The following SEC61A1 variants were observed in gnomAD, a reference collection of about 807,000 sequenced individuals.
SEC61A1 encodes SEC61 translocon subunit alpha 1.
A neutral mutation model predicts 55.2 loss-of-function variants in SEC61A1; 15 were observed. The ratio of observed to expected loss-of-function variants is 0.27; its 90% CI spans 0.18 to 0.42. SEC61A1 has a LOEUF of 0.42. Among genes scored for constraint, SEC61A1 ranks in the 10% least tolerant of loss-of-function variants. The pLI is 1.00. For synonymous variants in SEC61A1, 247 were observed against 234.0 expected, an observed-to-expected ratio of 1.06 and a Z score of -0.51; for missense variants, 284 against 602.6, an observed-to-expected ratio of 0.47 and a Z score of 5.53.
intron 7 of SEC61A1, among the ~76,000 whole-genome samples, chr3:128,063,430 C>T (rs1023796451): frequency 2.4e-4 from 36 of 152,212 alleles, no homozygotes; most frequent in African/African-American, 8.4e-4. Context: ...CTCCGCCTCC[C>T]GGGTTCAAGC....
chr3:128,067,912 C>T lies in SEC61A1; in HGVS notation c.1168-71C>T, dbSNP rs2107652338. ...CTCGAAGAGGCGATCTGTAACTGTT[C>T]AGTACCACTTGGAATGCCTATTTCC... On this transcript the variant is annotated intron_variant, in intron 10 of 11. Transcript: ENST00000243253. The surrounding 1 kb of genome is among the most constrained non-coding windows in gnomAD (Gnocchi z 4.1). The T allele has an allele frequency of 8.3e-7, 1 of 1,203,452 alleles. No homozygotes were observed. The highest frequency in any genetic ancestry group is 1.2e-5 in the South Asian group (1 of 82,638). 74.5% of individuals were successfully genotyped at this position (1,203,452 alleles called of 1,614,324 possible).
At position 128,056,675 on chromosome 3, in the gene SEC61A1, G is replaced by C. The variant is rs751493802; in HGVS notation, c.221-34G>C. 2.0e-6 allele frequency: 3 copies of C among 1,468,730 alleles called. No individual in the cohort carries two copies. The Admixed American group carries it at 6.7e-5, about 33-fold the overall frequency. 91.0% of individuals were successfully genotyped at this position (1,468,730 alleles called of 1,614,324 possible). A position where few individuals can be genotyped will look rare whatever the true frequency, so the allele number is the denominator to read the frequency against. On this transcript the variant is annotated intron_variant, in intron 4 of 11. Transcript: ENST00000243253. ...AAATAACGTACTACGTTTCCAAGCT[G>C]ATATTGACTGTTTTGCTTCCCCGTT...
At position 128,067,932 on chromosome 3, in the gene SEC61A1, AT is replaced by A; in HGVS notation, c.1168-48del. The A allele has an allele frequency of 6.9e-7, 1 of 1,454,920 alleles. No homozygotes were observed. The highest frequency in any genetic ancestry group is 9.7e-7 in the Non-Finnish European group (1 of 1,035,394). The allele number at this position is 1,454,920 out of a possible 1,614,324, so 90.1% of individuals were successfully genotyped here. A position where few individuals can be genotyped will look rare whatever the true frequency, so the allele number is the denominator to read the frequency against. ...CTGTTCAGTACCACTTGGAATGCCT[AT>A]TTCCCCTTCAGCCTCCAATTCCAAC... On this transcript the variant is annotated intron_variant, in intron 10 of 11. Coordinates refer to ENST00000243253, the MANE Select transcript of SEC61A1 (RefSeq NM_013336.4). This position sits in a 1 kb window ranked among gnomAD's most constrained non-coding sequence, Gnocchi z 4.1.
chr3:128,058,201 ATTT>A (rs57508280), intron 5 of SEC61A1, among the ~76,000 whole-genome samples: 5 of 79,358 alleles, frequency 6.3e-5, no homozygotes, highest in African/African-American at 1.0e-4. Context: ...AAATACGTCT[ATTT>A]TTTTTTTTTT....
In SEC61A1 at chr3:128,069,633, G is replaced by C. The variant is rs768324927; in HGVS notation, c.1402G>C (p.Val468Leu). Residue 468 changes from valine to leucine, a missense_variant, in exon 12 of 12, where the codon GTT becomes CTT. Coordinates refer to ENST00000243253, the MANE Select transcript of SEC61A1 (RefSeq NM_013336.4). ...FEIFVKEQSE[V>L]GSMGALLF ...GATCTTCGTTAAGGAGCAAAGCGAG[G>C]TTGGCAGCATGGGGGCCCTGCTCTT... 2 of 1,614,126 alleles carry C rather than the reference G, an allele frequency of 1.2e-6. No individual in the cohort carries two copies. Among genetic ancestry groups the C allele is most frequent in the South Asian group, 2.2e-5 (2 of 91,080 alleles).
Position 128,067,539 on chromosome 3 carries a change from T to C in SEC61A1, c.1094T>C (p.Ile365Thr). 2 of 1,614,112 alleles carry C rather than the reference T, an allele frequency of 1.2e-6. No homozygotes were observed. The highest frequency in any genetic ancestry group is 1.7e-6 in the Non-Finnish European group (2 of 1,179,984). ...GACCCGGTCCATGCAGTTGTATACA[T>C]AGTGTTCATGCTGGGCTCCTGTGCA... ...LEDPVHAVVY[I>T]VFMLGSCAFF... Residue 365 changes from isoleucine (I) to threonine (T), a missense_variant, in exon 10 of 12, where the codon ATA becomes ACA. Physicochemically the swap from Ile to Thr is moderately conservative, Grantham distance 89 (BLOSUM62 -1). Transcript: ENST00000243253. The surrounding 1 kb of genome is among the most constrained non-coding windows in gnomAD (Gnocchi z 4.1).
At chr3:128,052,809 T>C (rs753199957) in intron 1 of SEC61A1, 26 bp from the exon 2 acceptor site, 8 of 1,604,844 alleles carry the variant, frequency 5.0e-6, no homozygotes, top group Non-Finnish European at 6.0e-6. Context: ...GTCCCAACTC[T>C]TCCTGTTTTG....
At chr3:128,053,306 A>G (rs1442022899) in intron 2 of SEC61A1, among the ~76,000 whole-genome samples, 1 of 152,222 alleles carries the variant, frequency 6.6e-6, no homozygotes, top group Non-Finnish European at 1.5e-5. Context: ...CCAGCTGCTA[A>G]AGGGAAGGGC....
Position 128,067,704 on chromosome 3 carries a change from T to G in SEC61A1, c.1167+92T>G. The G allele has an allele frequency of 9.2e-7, 1 of 1,082,058 alleles. No homozygotes were observed. The highest frequency in any genetic ancestry group is 1.3e-6 in the Non-Finnish European group (1 of 741,676). The allele number at this position is 1,082,058 out of a possible 1,614,324, so 67.0% of individuals were successfully genotyped here. ...TCACCTCATCATAAATAATGGTCTGTGACGTGTGCAGATAGATCGTCGTCC... is the reference window on the plus strand; with the variant it reads ...TCACCTCATCATAAATAATGGTCTGGGACGTGTGCAGATAGATCGTCGTCC... On this transcript the variant is annotated intron_variant, in intron 10 of 11. Coordinates refer to ENST00000243253, the MANE Select transcript of SEC61A1 (RefSeq NM_013336.4). The surrounding 1 kb of genome is among the most constrained non-coding windows in gnomAD (Gnocchi z 4.1).
intron 5 of SEC61A1, among the ~76,000 whole-genome samples, chr3:128,058,087 CATT>C (rs1941798920): frequency 3.3e-5 from 5 of 151,624 alleles, no homozygotes; most frequent in Admixed American, 3.3e-4. Flanking sequence ...TGCTGAAAAA[CATT>C]AATTAGGAAA....
In SEC61A1 at chr3:128,052,931, G is replaced by C. The variant is rs763403384; in HGVS notation, c.75+29G>C. 3.8e-6 allele frequency: 6 copies of C among 1,580,944 alleles called. No homozygotes were observed. In the African/African-American group the frequency reaches 8.1e-5, roughly 21 times the overall value. On this transcript the variant is annotated intron_variant, in intron 2 of 11. Transcript: ENST00000243253. The stretch of plus-strand genomic sequence containing the variant: ...AGTACCCCAAATCGCCAACAAAGAA[G>C]GTTTCAGGAAACTGTCTGGACTCTG...
chr3:128,051,967 G>C, upstream of SEC61A1: 1 of 1,332,998 alleles, frequency 7.5e-7, no homozygotes. Flanking sequence ...CCTACTAGGT[G>C]ACGGGCGCCG....
At chr3:128,052,321 G>A, upstream of SEC61A1, 1 of 402,570 alleles carries the variant, frequency 2.5e-6, no homozygotes, top group Non-Finnish European at 3.4e-6. Flanking sequence ...GAAGCGGCGC[G>A]GCGCGGCGAA....
chr3:128,052,228 C>A (rs1576417654), upstream of SEC61A1: 1 of 366,744 alleles, frequency 2.7e-6, no homozygotes, highest in Non-Finnish European at 4.9e-6. Context: ...CGCACACCCC[C>A]AGTCCCGGCG....
At chr3:128,064,641 G>T (rs1437919065) in intron 7 of SEC61A1, 1 of 506,990 alleles carries the variant, frequency 2.0e-6, no homozygotes, top group Admixed American at 3.7e-5. Flanking sequence ...GAGAGAGAGG[G>T]ACCCTGTCTA....
In SEC61A1 at chr3:128,052,805, A is replaced by T. The variant is rs772554188; in HGVS notation, c.8-30A>T. 3.1e-6 allele frequency: 5 copies of T among 1,601,132 alleles called. No individual in the cohort carries two copies. The South Asian group carries it at 4.4e-5, about 14-fold the overall frequency. On this transcript the variant is annotated intron_variant, in intron 1 of 11. Coordinates refer to ENST00000243253, the MANE Select transcript of SEC61A1 (RefSeq NM_013336.4). Reference sequence around the variant, plus strand: ...CGGAAGGTTACTTCTCTGTGTCCCAACTCTTCCTGTTTTGTTTCTCCCATC... The same window carrying T: ...CGGAAGGTTACTTCTCTGTGTCCCATCTCTTCCTGTTTTGTTTCTCCCATC...
In SEC61A1 at chr3:128,067,897, C is replaced by T. The variant is rs759865493; in HGVS notation, c.1168-86C>T. 21 of 1,035,524 alleles carry T rather than the reference C, an allele frequency of 2.0e-5. No individual in the cohort carries two copies. The highest frequency in any genetic ancestry group is 7.7e-5 in the South Asian group (6 of 78,130). 64.1% of individuals were successfully genotyped at this position (1,035,524 alleles called of 1,614,324 possible). On this transcript the variant is annotated intron_variant, in intron 10 of 11. Transcript: ENST00000243253. The surrounding 1 kb of genome is among the most constrained non-coding windows in gnomAD (Gnocchi z 4.1). ...TGAATATTGTCAGTGCTCGAAGAGG[C>T]GATCTGTAACTGTTCAGTACCACTT...
intron 5 of SEC61A1, among the ~76,000 whole-genome samples, 156 bp downstream of exon 5, chr3:128,056,996 A>ACGCAGT (rs1941781722): frequency 6.6e-6 from 1 of 150,818 alleles, no homozygotes; most frequent in Non-Finnish European, 1.5e-5. Flanking sequence ...GAGTGCAGTG[A>ACGCAGT]CGCAGTCTTG....
intron 5 of SEC61A1, among the ~76,000 whole-genome samples, chr3:128,058,201 A>ATTTTTTTTT (rs57508280): frequency 1.0e-4 from 8 of 79,372 alleles, no homozygotes; most frequent in South Asian, 5.4e-4. Context: ...AAATACGTCT[A>ATTTTTTTTT]TTTTTTTTTT....
Sources: allele counts gnomAD v4.1 joint callset (sites outside exome capture counted in the v4.1 genomes callset), GRCh38; gene constraint gnomAD v4.1.1; non-coding constraint Gnocchi (gnomAD v3.1); transcripts MANE v1.5; gene names NCBI Gene and HGNC (gene_info 2026-07-23, HGNC 2026-07-21).